Variants in UBAC2 observed in about 807,000 individuals in gnomAD.
UBAC2 encodes the protein ubiquitin-associated domain-containing protein 2.
UBAC2 carries 26 observed loss-of-function variants against 44.0 expected under a neutral mutation model. The observed-to-expected ratio is 0.59, with a 90% CI of 0.43 to 0.82. UBAC2 has a LOEUF of 0.82. UBAC2 is among the 40% of genes least tolerant of loss of function. The pLI, the probability that UBAC2 is intolerant of heterozygous loss-of-function variation, is 0.00. For missense variants in UBAC2, 329 were observed against 419.4 expected (o/e 0.78, Z 1.88); for synonymous variants, 155 against 154.3 (o/e 1.00, Z -0.04).
chr13:99,291,907 G>A (rs1251971328), intron 4 of UBAC2, among the ~76,000 whole-genome samples: 2 of 152,110 alleles, frequency 1.3e-5, no homozygotes, highest in African/African-American at 4.8e-5. Flanking sequence ...TAGGTTCTAT[G>A]GCAATGCTGT....
intron 4 of UBAC2, among the ~76,000 whole-genome samples, chr13:99,293,604 C>T (rs570264156): frequency 5.3e-5 from 8 of 152,272 alleles, no homozygotes; most frequent in African/African-American, 1.4e-4. Flanking sequence ...GGCTTTCATC[C>T]GTGTTGTCTC....
chr13:99,327,016 C>G (rs2044648682), intron 6 of UBAC2, among the ~76,000 whole-genome samples: 2 of 152,128 alleles, frequency 1.3e-5, no homozygotes, highest in African/African-American at 4.8e-5. Flanking sequence ...TTCTCATTAG[C>G]AGACTCTATT....
In UBAC2 at chr13:99,363,652, T is replaced by C. The variant is rs1056647664; in HGVS notation, c.808-4135T>C. On this transcript the variant is annotated intron_variant, in intron 7 of 8. Transcript: ENST00000403766. ...CTTCCTGGTCGGCCCATATTCCCTT[T>C]CTGCTGACATACCATTGTCAGAACC... Among the ~76,000 whole-genome samples the C allele has an allele frequency of 2.0e-5, 3 of 152,248 alleles. No individual in the cohort carries two copies. In the South Asian group the frequency reaches 6.2e-4, roughly 32 times the overall value.
intron 1 of UBAC2, among the ~76,000 whole-genome samples, chr13:99,216,400 CG>C (rs1318196276): frequency 3.9e-5 from 6 of 152,014 alleles, no homozygotes; most frequent in African/African-American, 1.5e-4. Context: ...CCACCGTGCC[CG>C]GCCCAGTGTG....
intron 1 of UBAC2, among the ~76,000 whole-genome samples, chr13:99,203,601 A>G (rs911350825): frequency 2.0e-5 from 3 of 152,196 alleles, no homozygotes; most frequent in African/African-American, 4.8e-5. Flanking sequence ...TCAGCCACAC[A>G]CTGTTGATAT....
intron 4 of UBAC2, among the ~76,000 whole-genome samples, chr13:99,276,574 TCAC>T (rs1443610834): frequency 6.6e-6 from 1 of 152,202 alleles, no homozygotes; most frequent in Non-Finnish European, 1.5e-5. Context: ...TTCCATGTAT[TCAC>T]CAACCCAGAA....
At position 99,333,078 on chromosome 13, in the gene UBAC2, A is replaced by G. The variant is rs117528727; in HGVS notation, c.562-7242A>G. The stretch of plus-strand genomic sequence containing the variant: ...GGAGTTTGAGACCAGCCTGAGCAAC[A>G]TGGTGAAACCCCGTCTCTGGGGGGG... On this transcript the variant is annotated intron_variant, in intron 6 of 8. Coordinates refer to ENST00000403766, the MANE Select transcript of UBAC2 (RefSeq NM_001144072.2). Among the ~76,000 whole-genome samples the G allele has an allele frequency of 4.2e-3, 629 of 150,266 alleles. 20 individuals are homozygous for G. Among genetic ancestry groups the G allele is most frequent in the East Asian group, 0.026 (132 of 5,086 alleles).
At chr13:99,322,909 T>C (rs953281980) in intron 6 of UBAC2, among the ~76,000 whole-genome samples, 8 of 152,200 alleles carry the variant, frequency 5.3e-5, no homozygotes, top group African/African-American at 1.9e-4. Flanking sequence ...GTGATTTGCC[T>C]TTCTCTCTTC....
At chr13:99,333,647 TC>T (rs1161075971) in intron 6 of UBAC2, among the ~76,000 whole-genome samples, 1 of 152,214 alleles carries the variant, frequency 6.6e-6, no homozygotes, top group Admixed American at 6.5e-5. Flanking sequence ...AAGCCCTACT[TC>T]CCTGCCAGAA....
At position 99,295,020 on chromosome 13, in the gene UBAC2, C is replaced by T; in HGVS notation, c.390-19077C>T. On this transcript the variant is annotated intron_variant, in intron 4 of 8. Coordinates refer to ENST00000403766, the MANE Select transcript of UBAC2 (RefSeq NM_001144072.2). The surrounding 1 kb of genome is among the most constrained non-coding windows in gnomAD (Gnocchi z 4.1). ...ATAAGGGAAGTCCTGCAAAGTTTGT[C>T]ATACAGTTTACGTCACTATAAACCA... 1.3e-6 allele frequency: 2 copies of T among 1,561,318 alleles called. No individual in the cohort carries two copies. Among genetic ancestry groups the T allele is most frequent in the Non-Finnish European group, 8.7e-7 (1 of 1,155,768 alleles).
At position 99,384,614 on chromosome 13, in the gene UBAC2, G is replaced by A. The variant is rs539622536; in HGVS notation, c.928-614G>A. Among the ~76,000 whole-genome samples the A allele has an allele frequency of 3.3e-5, 5 of 152,358 alleles. No homozygotes were observed. The East Asian group carries it at 5.8e-4, about 18-fold the overall frequency. On this transcript the variant is annotated intron_variant, in intron 8 of 8. Coordinates refer to ENST00000403766, the MANE Select transcript of UBAC2 (RefSeq NM_001144072.2). ...ACTTTGCTGCCTGCGTAAGCCCCAG[G>A]CTGCAAGTGGCACAGCTGTCAAAGT...
chr13:99,355,076 C>T (rs973672010), intron 7 of UBAC2, among the ~76,000 whole-genome samples: 6 of 152,128 alleles, frequency 3.9e-5, no homozygotes, highest in Non-Finnish European at 7.3e-5. Context: ...GAACTCTCCA[C>T]GGAGGAAATG....
intron 8 of UBAC2, among the ~76,000 whole-genome samples, chr13:99,383,819 C>T (rs1028752431): frequency 6.6e-6 from 1 of 152,264 alleles, no homozygotes; most frequent in East Asian, 1.9e-4. Flanking sequence ...TGGCCCTCAA[C>T]TCTTCCCTAA....
In UBAC2 at chr13:99,353,166, AGT is replaced by A. The variant is rs368054886; in HGVS notation, c.807+12602_807+12603del. Among the ~76,000 whole-genome samples, 23 of 152,364 alleles carry A rather than the reference AGT, an allele frequency of 1.5e-4. No homozygotes were observed. The East Asian group carries it at 3.9e-3, about 26-fold the overall frequency. ...GACTTTCTTCTTTCAAGAGTTTATA[AGT>A]ATATAGCATCAGATGTGGAATAAGT... is the stretch of plus-strand genomic sequence containing the variant. On this transcript the variant is annotated intron_variant, in intron 7 of 8. Coordinates refer to ENST00000403766, the MANE Select transcript of UBAC2 (RefSeq NM_001144072.2).
chr13:99,266,684 AATATAT>A (rs553514609), intron 4 of UBAC2, among the ~76,000 whole-genome samples: 1 of 151,260 alleles, frequency 6.6e-6, no homozygotes, highest in Non-Finnish European at 1.5e-5. Flanking sequence ...TGACATGTTA[AATATAT>A]ATATATATGT....
chr13:99,260,805 A>C (rs1422323849), intron 4 of UBAC2, among the ~76,000 whole-genome samples: 3 of 152,172 alleles, frequency 2.0e-5, no homozygotes, highest in Non-Finnish European at 4.4e-5. Context: ...AGTGAAGGAG[A>C]AATGTTTCAC....
At chr13:99,252,105 T>C (rs1213112789) in intron 4 of UBAC2, among the ~76,000 whole-genome samples, 5 of 152,236 alleles carry the variant, frequency 3.3e-5, no homozygotes, top group Non-Finnish European at 7.3e-5. Flanking sequence ...CACCAGCTAG[T>C]CTCTCAAACC....
intron 6 of UBAC2, among the ~76,000 whole-genome samples, chr13:99,325,595 A>G (rs543304446): frequency 1.3e-5 from 2 of 152,226 alleles, no homozygotes; most frequent in East Asian, 3.9e-4. Flanking sequence ...GACAGTTTAT[A>G]ATTGTTGACT....
intron 7 of UBAC2, among the ~76,000 whole-genome samples, chr13:99,355,776 C>A (rs1483452302): frequency 6.6e-6 from 1 of 152,228 alleles, no homozygotes; most frequent in Non-Finnish European, 1.5e-5. Flanking sequence ...CAAGCCCCCC[C>A]GCAGCTGCCC....
Sources: allele counts gnomAD v4.1 joint callset (sites outside exome capture counted in the v4.1 genomes callset), GRCh38; gene constraint gnomAD v4.1.1; non-coding constraint Gnocchi (gnomAD v3.1); transcripts MANE v1.5; gene names NCBI Gene and HGNC (gene_info 2026-07-23, HGNC 2026-07-21).